Variants in SNX29 observed in about 807,000 individuals in gnomAD.
SNX29 encodes sorting nexin-29.
A neutral mutation model predicts 102.1 loss-of-function variants in SNX29; 78 were observed. The ratio of observed to expected loss-of-function variants is 0.76; its 90% CI spans 0.64 to 0.92. The LOEUF (loss-of-function observed/expected upper bound fraction) is 0.92, where lower values mean the gene tolerates loss of function less well. SNX29 is among the 40% of genes least tolerant of loss of function. SNX29 has a pLI of 0.00. For synonymous variants in SNX29, 580 were observed against 414.5 expected (o/e 1.40, Z -4.85); for missense variants, 1,280 against 1,061.7 (o/e 1.21, Z -2.86).
At chr16:12,177,541 A>T (rs115029985) in intron 13 of SNX29, among the ~76,000 whole-genome samples, 1 of 152,298 alleles carries the variant, frequency 6.6e-6, no homozygotes, top group African/African-American at 2.4e-5. Flanking sequence ...GCAGACTGTC[A>T]TATTCTCTCA....
intron 16 of SNX29, among the ~76,000 whole-genome samples, chr16:12,396,978 A>G (rs2083746639): frequency 6.6e-6 from 1 of 152,240 alleles, no homozygotes; most frequent in Admixed American, 6.5e-5. Flanking sequence ...CTTGAACTCC[A>G]GGACTCAAGT....
At chr16:12,344,993 G>T (rs16959263) in intron 15 of SNX29, among the ~76,000 whole-genome samples, 10,059 of 152,250 alleles carry the variant, frequency 0.066, 914 homozygotes, top group African/African-American at 0.2. Context: ...ATTGTGTGGC[G>T]CCAAGTAAAC....
intron 15 of SNX29, among the ~76,000 whole-genome samples, chr16:12,278,455 C>T (rs1461860687): frequency 4.0e-5 from 6 of 151,552 alleles, no homozygotes; most frequent in African/African-American, 1.5e-4. Context: ...GAAGGGACCC[C>T]CTCACCCTCA....
At chr16:12,404,225 C>T (rs2084074152) in intron 18 of SNX29, among the ~76,000 whole-genome samples, 1 of 152,194 alleles carries the variant, frequency 6.6e-6, no homozygotes, top group Non-Finnish European at 1.5e-5. Context: ...GACATCGCCT[C>T]TGCTTCCTTG....
At chr16:12,305,309 C>T (rs77180010) in intron 15 of SNX29, among the ~76,000 whole-genome samples, 2,823 of 152,204 alleles carry the variant, frequency 0.019, 80 homozygotes, top group African/African-American at 0.065. Flanking sequence ...TGCGAAGATC[C>T]CCCCCGGCCA....
rs375726942 is a variant in SNX29 at position 12,278,045 on chromosome 16, G to A, written c.1782+9G>A. The A allele has an allele frequency of 5.9e-5, 94 of 1,585,650 alleles. No homozygotes were observed. The highest frequency in any genetic ancestry group is 1.7e-4 in the Middle Eastern group (1 of 6,050). ...AAAGAAAGCTCATCGAGGTAAGGCCGGTGGAGTCTGTGTGTCTTTGTTTCT... is the reference window on the plus strand; with the variant it reads ...AAAGAAAGCTCATCGAGGTAAGGCCAGTGGAGTCTGTGTGTCTTTGTTTCT... On this transcript the variant is annotated intron_variant, in intron 15 of 20. Transcript: ENST00000566228.
intron 11 of SNX29, among the ~76,000 whole-genome samples, chr16:12,121,511 G>T (rs9935284): frequency 0.23 from 35,016 of 152,204 alleles, 4,096 homozygotes; most frequent in Middle Eastern, 0.32. Flanking sequence ...AGCAGGAGAC[G>T]AAGGCAGGAA....
intron 14 of SNX29, among the ~76,000 whole-genome samples, chr16:12,234,816 A>G (rs2077876361): frequency 6.6e-6 from 1 of 152,162 alleles, no homozygotes; most frequent in African/African-American, 2.4e-5. Flanking sequence ...CCGTCTGCCT[A>G]CTGGCATCAT....
intron 16 of SNX29, among the ~76,000 whole-genome samples, chr16:12,379,309 TG>T (rs1290981415): frequency 1.3e-5 from 2 of 152,164 alleles, no homozygotes; most frequent in African/African-American, 4.8e-5. Context: ...TTTGTAGAGT[TG>T]GGGGTCTCCG....
intron 20 of SNX29, among the ~76,000 whole-genome samples, chr16:12,530,962 A>G (rs1054743438): frequency 1.3e-5 from 2 of 152,088 alleles, no homozygotes; most frequent in Non-Finnish European, 2.9e-5. Flanking sequence ...TTGAACAGTT[A>G]AGAGGTTTCC....
At position 12,063,366 on chromosome 16, in the gene SNX29, C is replaced by CTTTTTTTTTTTTTTTTTTTTTT. The variant is rs369015533; in HGVS notation, c.1243+1725_1243+1746dup. Among the ~76,000 whole-genome samples the CTTTTTTTTTTTTTTTTTTTTTT allele has an allele frequency of 1.0e-3, 57 of 55,394 alleles. 16 individuals are homozygous for CTTTTTTTTTTTTTTTTTTTTTT. The highest frequency in any genetic ancestry group is 1.5e-3 in the East Asian group (3 of 2,022). 36.3% of individuals were successfully genotyped at this position (55,394 alleles called of 152,430 possible). ...CCCACCTCTTCTTTTCCTAGTCCAT[C>CTTTTTTTTTTTTTTTTTTTTTT]TTTTTTTTTTTTTTTTTTTTTTTTT... On this transcript the variant is annotated intron_variant, in intron 9 of 20. Transcript: ENST00000566228.
At chr16:12,269,519 G>A (rs978404272) in intron 14 of SNX29, among the ~76,000 whole-genome samples, 1 of 152,144 alleles carries the variant, frequency 6.6e-6, no homozygotes, top group Non-Finnish European at 1.5e-5. Flanking sequence ...AAAGCACAAT[G>A]TAAGTTTCTG....
chr16:12,567,771 A>C (rs567235567), intron 20 of SNX29, among the ~76,000 whole-genome samples: 1 of 152,142 alleles, frequency 6.6e-6, no homozygotes, highest in East Asian at 1.9e-4. Flanking sequence ...CAGAAAATAC[A>C]ATTTTGAAAA....
intron 14 of SNX29, among the ~76,000 whole-genome samples, chr16:12,255,982 T>G (rs1025885017): frequency 6.6e-6 from 1 of 152,236 alleles, no homozygotes; most frequent in African/African-American, 2.4e-5. Context: ...TGTACTAATT[T>G]ACGTTCCTAC....
chr16:12,535,113 C>T (rs1050805717), intron 20 of SNX29, among the ~76,000 whole-genome samples: 1 of 152,160 alleles, frequency 6.6e-6, no homozygotes, highest in African/African-American at 2.4e-5. Context: ...GTATTTAGCA[C>T]CCGCCAGGGT....
intron 13 of SNX29, among the ~76,000 whole-genome samples, chr16:12,132,790 A>G (rs1403882032): frequency 2.0e-5 from 3 of 152,250 alleles, no homozygotes; most frequent in African/African-American, 7.2e-5. Context: ...CTGTAGGCAG[A>G]AGGAACAGAT....
At chr16:12,131,030 G>A (rs180724441) in intron 13 of SNX29, among the ~76,000 whole-genome samples, 68 of 152,280 alleles carry the variant, frequency 4.5e-4, no homozygotes, top group African/African-American at 1.5e-3. Context: ...AAGTAGGATT[G>A]CTGGGTCAAA....
intron 13 of SNX29, among the ~76,000 whole-genome samples, chr16:12,165,106 C>G (rs1475306066): frequency 3.9e-5 from 6 of 152,206 alleles, no homozygotes. Context: ...ATAAGGACCA[C>G]TTAGCAGAAC....
At chr16:12,097,522 C>G (rs350233) in intron 11 of SNX29, among the ~76,000 whole-genome samples, 51,946 of 150,692 alleles carry the variant, frequency 0.34, 9,285 homozygotes, top group East Asian at 0.7. Flanking sequence ...TTTCTGTGCT[C>G]TTGGTTTGGG....
Sources: gnomAD v4.1 joint callset for allele counts (sites outside exome capture counted in the v4.1 genomes callset) on GRCh38, gnomAD v4.1.1 for gene constraint, MANE v1.5 for transcripts, NCBI Gene and HGNC (gene_info 2026-07-23, HGNC 2026-07-21) for gene names.